The following KHDRBS2 variants were observed in gnomAD, a reference collection of about 807,000 sequenced individuals.
KHDRBS2 encodes KH domain-containing, RNA-binding, signal transduction-associated protein 2.
In KHDRBS2, 26 loss-of-function variants were observed where a neutral mutation model predicts 44.3. That is an observed-to-expected ratio of 0.59 (90% CI 0.43 to 0.81). KHDRBS2 has a LOEUF of 0.81. Among genes scored for constraint, KHDRBS2 ranks in the 40% least tolerant of loss-of-function variants. The pLI is 0.00. For synonymous variants in KHDRBS2, 194 were observed against 151.1 expected (o/e 1.28, Z -2.08); for missense variants, 476 against 433.1 (o/e 1.10, Z -0.88).
intron 8 of KHDRBS2, among the ~76,000 whole-genome samples, chr6:61,693,619 T>C (rs1767598959): frequency 6.6e-6 from 1 of 152,162 alleles, no homozygotes; most frequent in Non-Finnish European, 1.5e-5. Context: ...GACAGTAAAA[T>C]CCCTTTCTAC....
At chr6:62,225,465 T>C (rs1831612781) in intron 1 of KHDRBS2, among the ~76,000 whole-genome samples, 1 of 152,196 alleles carries the variant, frequency 6.6e-6, no homozygotes, top group South Asian at 2.1e-4. Context: ...AGAAACATGA[T>C]TATGATATCA....
Position 61,749,051 on chromosome 6 carries a change from C to T in KHDRBS2, c.811-16287G>A, listed in dbSNP as rs1367608567. ...TTTTTGAGACGGAGTCTCACTCTGT[C>T]GCCCAGGCTGGAGTGCAGTGGCACA... On this transcript the variant is annotated intron_variant, in intron 6 of 8. Coordinates refer to ENST00000281156, the MANE Select transcript of KHDRBS2 (RefSeq NM_152688.4). 2.0e-3 allele frequency among the ~76,000 whole-genome samples: 240 copies of T among 120,528 alleles called. 1 individual carries two copies. The highest frequency in any genetic ancestry group is 5.1e-4 in the Non-Finnish European group (32 of 62,606). 79.1% of individuals were successfully genotyped at this position (120,528 alleles called of 152,430 possible).
At chr6:61,573,543 AC>A in the KHDRBS2 span, among the ~76,000 whole-genome samples, 1 of 152,216 alleles carries the variant, frequency 6.6e-6, no homozygotes, top group East Asian at 1.9e-4. Flanking sequence ...TAATCCCAAC[AC>A]TTTTGGAGGC....
chr6:61,930,262 T>A (rs1809759292), intron 4 of KHDRBS2, among the ~76,000 whole-genome samples: 1 of 152,028 alleles, frequency 6.6e-6, no homozygotes, highest in African/African-American at 2.4e-5. Flanking sequence ...ATTTTTCTTC[T>A]TTATAAATTA....
intron 3 of KHDRBS2, among the ~76,000 whole-genome samples, chr6:62,042,336 T>C (rs964390130): frequency 3.3e-5 from 5 of 152,148 alleles, no homozygotes; most frequent in Admixed American, 2.6e-4. Context: ...TTAACTCTGC[T>C]GGAAGTCAAA....
At chr6:62,030,540 T>A (rs558669671) in intron 3 of KHDRBS2, among the ~76,000 whole-genome samples, 12 of 152,118 alleles carry the variant, frequency 7.9e-5, no homozygotes, top group African/African-American at 2.6e-4. Flanking sequence ...TGAAAAAAAA[T>A]ATTTTCCAAA....
At chr6:62,225,088 G>A (rs549675145) in intron 1 of KHDRBS2, among the ~76,000 whole-genome samples, 1 of 152,242 alleles carries the variant, frequency 6.6e-6, no homozygotes, top group South Asian at 2.1e-4. Flanking sequence ...GTGCTACCAG[G>A]ATCTAGTGGG....
At chr6:62,073,198 T>A (rs1346732274) in intron 2 of KHDRBS2, among the ~76,000 whole-genome samples, 1 of 151,880 alleles carries the variant, frequency 6.6e-6, no homozygotes, top group African/African-American at 2.4e-5. Context: ...GAACCTGGAA[T>A]TTTCATTGTG....
chr6:62,027,921 G>T (rs1367771452), intron 3 of KHDRBS2, among the ~76,000 whole-genome samples: 1 of 152,046 alleles, frequency 6.6e-6, no homozygotes, highest in Admixed American at 6.6e-5. Flanking sequence ...AGTTCTGTGA[G>T]CCAGTCTAGC....
intron 6 of KHDRBS2, among the ~76,000 whole-genome samples, chr6:61,749,979 A>G (rs1777424729): frequency 6.6e-6 from 1 of 152,152 alleles, no homozygotes; most frequent in African/African-American, 2.4e-5. Flanking sequence ...AATGACCTCT[A>G]AATTTTATGC....
At chr6:61,705,450 T>C (rs1582268276) in intron 7 of KHDRBS2, among the ~76,000 whole-genome samples, 1 of 152,002 alleles carries the variant, frequency 6.6e-6, no homozygotes, top group East Asian at 1.9e-4. Context: ...ACCTTTCTTA[T>C]TTAATTGCCA....
the KHDRBS2 span, among the ~76,000 whole-genome samples, chr6:61,671,705 C>T: frequency 6.6e-6 from 1 of 151,668 alleles, no homozygotes. Context: ...AAATGTTACA[C>T]ATTATATCGA....
the KHDRBS2 span, among the ~76,000 whole-genome samples, chr6:61,592,415 T>C: frequency 6.6e-6 from 1 of 151,962 alleles, no homozygotes; most frequent in Non-Finnish European, 1.5e-5. Flanking sequence ...GCAAAGATAG[T>C]CTTGTTATGC....
At chr6:62,149,957 T>G (rs541845639) in intron 2 of KHDRBS2, among the ~76,000 whole-genome samples, 6 of 152,260 alleles carry the variant, frequency 3.9e-5, no homozygotes, top group Non-Finnish European at 8.8e-5. Context: ...ATGTGTGAAG[T>G]TTTAATGTCT....
At chr6:62,108,993 T>G (rs953757328) in intron 2 of KHDRBS2, among the ~76,000 whole-genome samples, 1 of 152,030 alleles carries the variant, frequency 6.6e-6, no homozygotes, top group Middle Eastern at 3.4e-3. Flanking sequence ...ATATACCTAA[T>G]GCTAAATGAC....
chr6:61,681,620 G>A (rs949490854), intron 8 of KHDRBS2, among the ~76,000 whole-genome samples: 1 of 148,454 alleles, frequency 6.7e-6, no homozygotes, highest in Non-Finnish European at 1.5e-5. Flanking sequence ...AAAACCTTAA[G>A]CAGCAAAATC....
chr6:62,279,405 A>G (rs1307336344), intron 1 of KHDRBS2, among the ~76,000 whole-genome samples: 5 of 152,324 alleles, frequency 3.3e-5, no homozygotes, highest in African/African-American at 4.8e-5. Flanking sequence ...TTCTAAACAC[A>G]TGGTAGGAGA....
intron 6 of KHDRBS2, among the ~76,000 whole-genome samples, chr6:61,751,658 A>G (rs1273873121): frequency 6.6e-6 from 1 of 152,172 alleles, no homozygotes; most frequent in Non-Finnish European, 1.5e-5. Flanking sequence ...AATTTTAGGG[A>G]TTAACCAAAT....
At chr6:62,207,716 G>A (rs752070766) in intron 1 of KHDRBS2, among the ~76,000 whole-genome samples, 3 of 152,066 alleles carry the variant, frequency 2.0e-5, no homozygotes, top group Non-Finnish European at 2.9e-5. Flanking sequence ...TAAACCTAAT[G>A]TCATCTCTAT....
Sources: allele counts gnomAD v4.1 joint callset (sites outside exome capture counted in the v4.1 genomes callset), GRCh38; gene constraint gnomAD v4.1.1; transcripts MANE v1.5; gene names NCBI Gene and HGNC (gene_info 2026-07-23, HGNC 2026-07-21).